Variants in RGS21 observed in about 807,000 individuals in gnomAD.
RGS21 encodes regulator of G-protein signalling 21.
In RGS21, 19 loss-of-function variants were observed where a neutral mutation model predicts 18.7. That is an observed-to-expected ratio of 1.01 (90% CI 0.71 to 1.49). The LOEUF (loss-of-function observed/expected upper bound fraction) is 1.49. Among genes scored for constraint, RGS21 ranks in the 40% most tolerant of loss-of-function variants. The pLI, the probability that RGS21 is intolerant of heterozygous loss-of-function variation, is 0.00. For missense variants in RGS21, 194 were observed against 176.8 expected (o/e 1.10, Z -0.55); for synonymous variants, 56 against 57.8 (o/e 0.97, Z 0.14).
chr1:192,323,876 T>C (rs1329265766), intron 1 of RGS21, among the ~76,000 whole-genome samples: 3 of 152,096 alleles, frequency 2.0e-5, no homozygotes, highest in Non-Finnish European at 2.9e-5. Flanking sequence ...CCAGAGATTA[T>C]AAATCAGGCT....
intron 1 of RGS21, among the ~76,000 whole-genome samples, chr1:192,318,568 T>A (rs981854860): frequency 1.3e-5 from 2 of 152,118 alleles, no homozygotes; most frequent in Admixed American, 6.6e-5. Flanking sequence ...GAATGTCGTA[T>A]CTAAAGGAGA....
intron 3 of RGS21, 48 bp from the exon 4 acceptor site, chr1:192,351,999 A>ACTACTCTGTATG: frequency 8.7e-7 from 1 of 1,151,090 alleles, no homozygotes; most frequent in Non-Finnish European, 1.2e-6. Context: ...TGGTCATATT[A>ACTACTCTGTATG]CTACTCTGTA....
At chr1:192,321,748 T>C (rs1164545294) in intron 1 of RGS21, among the ~76,000 whole-genome samples, 1 of 152,054 alleles carries the variant, frequency 6.6e-6, no homozygotes, top group African/African-American at 2.4e-5. Context: ...ACATACTCAC[T>C]CTTTGATGTA....
intron 1 of RGS21, among the ~76,000 whole-genome samples, chr1:192,329,111 T>C (rs995234527): frequency 1.3e-5 from 2 of 152,082 alleles, no homozygotes; most frequent in African/African-American, 4.8e-5. Flanking sequence ...TTCGATACAA[T>C]AAATCACAAA....
intron 4 of RGS21, 95 bp downstream of exon 4, chr1:192,352,308 C>T (rs558132371): frequency 3.6e-6 from 3 of 837,444 alleles, no homozygotes; most frequent in Non-Finnish European, 5.2e-6. Flanking sequence ...TAATCAAATT[C>T]TCAGTATGTG....
rs115788268 is a variant in RGS21 at position 192,352,793 on chromosome 1, A to C, written c.255+580A>C. ...GAAAGAGCCTTGGGGAGAAACCTGC[A>C]ATGACTCTGTTAATAGCGCTCCAAA... On this transcript the variant is annotated intron_variant, in intron 4 of 4. Transcript: ENST00000417209. Among the ~76,000 whole-genome samples, 923 of 152,126 alleles carry C rather than the reference A, an allele frequency of 6.1e-3. 8 individuals carry two copies. Among genetic ancestry groups the C allele is most frequent in the African/African-American group, 0.02 (850 of 41,540 alleles).
At chr1:192,351,437 T>A (rs986986256) in intron 3 of RGS21, among the ~76,000 whole-genome samples, 1 of 152,020 alleles carries the variant, frequency 6.6e-6, no homozygotes, top group Admixed American at 6.6e-5. Context: ...CTGCACCAAC[T>A]TATAGCAACA....
intron 1 of RGS21, among the ~76,000 whole-genome samples, chr1:192,334,164 T>A (rs541699619): frequency 4.6e-5 from 7 of 152,258 alleles, no homozygotes; most frequent in African/African-American, 1.7e-4. Context: ...CTTTTCAACA[T>A]AAGTGTAGTA....
chr1:192,320,230 C>T lies in RGS21; in HGVS notation c.-61+3125C>T, dbSNP rs576093503. On this transcript the variant is annotated intron_variant, in intron 1 of 4. Transcript: ENST00000417209. Reference sequence around the variant, plus strand: ...TGAAATAATCTGTTCAACAAACCCCCATGACATAAGTTCAACTATCTAACA... The same window carrying T: ...TGAAATAATCTGTTCAACAAACCCCTATGACATAAGTTCAACTATCTAACA... Among the ~76,000 whole-genome samples, 6 of 152,118 alleles carry T rather than the reference C, an allele frequency of 3.9e-5. No individual in the cohort carries two copies. In the East Asian group the frequency reaches 9.7e-4, roughly 24 times the overall value.
At chr1:192,317,219 C>T (rs777035818) in intron 1 of RGS21, 114 bp downstream of exon 1, 9 of 151,790 alleles carry the variant, frequency 5.9e-5, no homozygotes, top group Admixed American at 3.3e-4. Flanking sequence ...TCAAACTCAG[C>T]GAGTTTGGAA....
intron 2 of RGS21, among the ~76,000 whole-genome samples, chr1:192,343,424 G>A (rs1380967073): frequency 2.0e-5 from 3 of 152,100 alleles, no homozygotes; most frequent in African/African-American, 4.8e-5. Context: ...GGAAGCAGCT[G>A]TCACTTCCTG....
intron 4 of RGS21, among the ~76,000 whole-genome samples, chr1:192,355,343 C>T (rs1460552408): frequency 3.3e-5 from 5 of 151,544 alleles, no homozygotes; most frequent in Non-Finnish European, 7.4e-5. Flanking sequence ...ACGATAAGTG[C>T]TATTGAAACT....
At chr1:192,340,836 T>C (rs1330269308) in intron 1 of RGS21, among the ~76,000 whole-genome samples, 1 of 152,060 alleles carries the variant, frequency 6.6e-6, no homozygotes, top group Non-Finnish European at 1.5e-5. Context: ...TTATTAGATC[T>C]CATGAGACTT....
intron 1 of RGS21, among the ~76,000 whole-genome samples, chr1:192,334,250 G>C (rs1373801863): frequency 6.6e-6 from 1 of 152,044 alleles, no homozygotes; most frequent in Admixed American, 6.6e-5. Context: ...GAGCGTACTT[G>C]TCATGTAACC....
chr1:192,350,612 C>T (rs954688074), intron 3 of RGS21, among the ~76,000 whole-genome samples: 76 of 152,148 alleles, frequency 5.0e-4, no homozygotes, highest in African/African-American at 1.8e-3. Context: ...AGGCAAATTT[C>T]TCTGAGTGGA....
At position 192,357,471 on chromosome 1, in the gene RGS21, A is replaced by C. The variant is rs78011065; in HGVS notation, c.255+5258A>C. On this transcript the variant is annotated intron_variant, in intron 4 of 4. Transcript: ENST00000417209. ...GAAAAGGAGAGCTAAAGAAACTATA[A>C]TATCTGTACAGAGATTTTACATGGA... Among the ~76,000 whole-genome samples, 1,167 of 152,020 alleles carry C rather than the reference A, an allele frequency of 7.7e-3. 6 individuals are homozygous for C. The highest frequency in any genetic ancestry group is 0.015 in the Admixed American group (221 of 15,218).
At chr1:192,317,470 C>T (rs1416273948) in intron 1 of RGS21, among the ~76,000 whole-genome samples, 1 of 151,216 alleles carries the variant, frequency 6.6e-6, no homozygotes, top group African/African-American at 2.4e-5. Context: ...CTATCTCATA[C>T]TTTTCTTATA....
In RGS21 at chr1:192,334,871, CT is replaced by C. The variant is rs1260531576; in HGVS notation, c.-60-8102del. On this transcript the variant is annotated intron_variant, in intron 1 of 4. Transcript: ENST00000417209. ...CCCCAACAAGATTGGGTTGACACGT[CT>C]TTTAAAATAAACCATAATCCACTTG... 3.9e-5 allele frequency among the ~76,000 whole-genome samples: 6 copies of C among 152,074 alleles called. No homozygotes were observed. The East Asian group carries it at 9.6e-4, about 24-fold the overall frequency.
At chr1:192,323,019 T>A (rs994881996) in intron 1 of RGS21, among the ~76,000 whole-genome samples, 1 of 152,128 alleles carries the variant, frequency 6.6e-6, no homozygotes, top group African/African-American at 2.4e-5. Context: ...TTTTATATCA[T>A]CTTTGCAACT....
Sources: gnomAD v4.1 joint callset for allele counts (sites outside exome capture counted in the v4.1 genomes callset) on GRCh38, gnomAD v4.1.1 for gene constraint, MANE v1.5 for transcripts, NCBI Gene and HGNC (gene_info 2026-07-23, HGNC 2026-07-21) for gene names.